KHDRBS3: variants seen among roughly 807,000 people sequenced by gnomAD.
KHDRBS3 encodes KH RNA binding domain containing, signal transduction associated 3.
KHDRBS3 carries 23 observed loss-of-function variants against 45.6 expected under a neutral mutation model. The ratio of observed to expected loss-of-function variants is 0.50; its 90% CI spans 0.36 to 0.72. The LOEUF is 0.72. Among genes scored for constraint, KHDRBS3 ranks in the 30% least tolerant of loss-of-function variants. The probability of loss-of-function intolerance (pLI) is 0.00; values close to 1 mark genes in which losing one functional copy is unlikely to be tolerated. For missense variants in KHDRBS3, 352 were observed against 424.8 expected, an observed-to-expected ratio of 0.83 and a Z score of 1.51; for synonymous variants, 162 against 156.5, an observed-to-expected ratio of 1.04 and a Z score of -0.26.
chr8:135,617,465 A>G (rs1024739420), intron 7 of KHDRBS3, among the ~76,000 whole-genome samples: 10 of 151,760 alleles, frequency 6.6e-5, no homozygotes, highest in African/African-American at 2.4e-4. Context: ...TATAGTAGAG[A>G]CAGGGTTTTG....
chr8:135,577,793 T>C (rs1297865258), intron 5 of KHDRBS3, among the ~76,000 whole-genome samples: 1 of 152,230 alleles, frequency 6.6e-6, no homozygotes, highest in Non-Finnish European at 1.5e-5. Flanking sequence ...AATAAGGCTA[T>C]GTTTAGCTTT....
intron 6 of KHDRBS3, among the ~76,000 whole-genome samples, chr8:135,590,833 A>G (rs1031509281): frequency 6.6e-6 from 1 of 152,220 alleles, no homozygotes; most frequent in Non-Finnish European, 1.5e-5. Flanking sequence ...TTATGATTGC[A>G]TCAGCTCTCT....
chr8:135,602,288 C>T (rs1829251916), intron 6 of KHDRBS3, among the ~76,000 whole-genome samples: 1 of 152,294 alleles, frequency 6.6e-6, no homozygotes, highest in East Asian at 1.9e-4. Flanking sequence ...ATGTTTCAAG[C>T]GTTGTCCACT....
chr8:135,521,372 T>C lies in KHDRBS3; in HGVS notation c.207+17T>C. ...TTCCCTAAGGTAAGACAGTGAGGTC[T>C]ACACTGCAGGTATTTTAACCTGAAT... On this transcript the variant is annotated intron_variant, in intron 2 of 8. Transcript: ENST00000355849. The C allele has an allele frequency of 7.5e-7, 1 of 1,339,572 alleles. No homozygotes were observed. The highest frequency in any genetic ancestry group is 1.1e-6 in the Non-Finnish European group (1 of 937,170). The allele number at this position is 1,339,572 out of a possible 1,614,324, so 83.0% of individuals were successfully genotyped here.
intron 5 of KHDRBS3, among the ~76,000 whole-genome samples, chr8:135,560,106 A>G (rs147455662): frequency 6.6e-6 from 1 of 152,290 alleles, no homozygotes; most frequent in African/African-American, 2.4e-5. Flanking sequence ...CATGACATTT[A>G]TATGTCAGCA....
At chr8:135,523,038 C>T (rs1367992543) in intron 2 of KHDRBS3, among the ~76,000 whole-genome samples, 2 of 152,280 alleles carry the variant, frequency 1.3e-5, no homozygotes, top group Admixed American at 6.5e-5. Flanking sequence ...TATGCCAGTA[C>T]CACACTGTCT....
intron 1 of KHDRBS3, 154 bp downstream of exon 1, chr8:135,458,108 G>A: frequency 2.9e-6 from 4 of 1,390,052 alleles, no homozygotes; most frequent in Non-Finnish European, 3.7e-6. Context: ...CGGGGACCTG[G>A]GAGGCTGTGG....
intron 5 of KHDRBS3, among the ~76,000 whole-genome samples, chr8:135,558,710 T>G (rs1827015598): frequency 6.6e-6 from 1 of 152,220 alleles, no homozygotes; most frequent in South Asian, 2.1e-4. Context: ...TTAAATTTAC[T>G]TGAAATCTTA....
In KHDRBS3 at chr8:135,505,074, T is replaced by C. The variant is rs572562863; in HGVS notation, c.89-16163T>C. On this transcript the variant is annotated intron_variant, in intron 1 of 8. Coordinates refer to ENST00000355849, the MANE Select transcript of KHDRBS3 (RefSeq NM_006558.3). Reference sequence around the variant, plus strand: ...GATGCCCAGGAAAGCTTGTCTCGCCTTTTCTTTAGGGCCTTATTAACCATC... The same window carrying C: ...GATGCCCAGGAAAGCTTGTCTCGCCCTTTCTTTAGGGCCTTATTAACCATC... 5.9e-5 allele frequency among the ~76,000 whole-genome samples: 9 copies of C among 152,332 alleles called. No homozygotes were observed. The South Asian group carries it at 1.9e-3, about 32-fold the overall frequency.
chr8:135,536,234 GTTTT>G (rs374782370), intron 2 of KHDRBS3, among the ~76,000 whole-genome samples: 74 of 86,404 alleles, frequency 8.6e-4, no homozygotes, highest in Admixed American at 1.6e-3. Context: ...TTTCTGTCCA[GTTTT>G]TTTTTTTTTT....
chr8:135,513,209 AAG>A (rs1824396999), intron 1 of KHDRBS3, among the ~76,000 whole-genome samples: 1 of 152,104 alleles, frequency 6.6e-6, no homozygotes. Flanking sequence ...CAAAAAAAAA[AAG>A]AAAAAAGCTG....
chr8:135,640,252 G>A (rs1003590869), intron 7 of KHDRBS3, among the ~76,000 whole-genome samples: 1 of 152,106 alleles, frequency 6.6e-6, no homozygotes, highest in African/African-American at 2.4e-5. Context: ...CAAGCAAAAG[G>A]CCTAATGAGA....
intron 1 of KHDRBS3, among the ~76,000 whole-genome samples, chr8:135,503,407 C>G (rs1353372255): frequency 6.6e-6 from 1 of 152,132 alleles, no homozygotes; most frequent in Admixed American, 6.5e-5. Context: ...AGGCCTAACT[C>G]TGTAGCCTTG....
chr8:135,534,848 T>TGTTC (rs1449483466), intron 2 of KHDRBS3, among the ~76,000 whole-genome samples: 8 of 152,170 alleles, frequency 5.3e-5, no homozygotes, highest in African/African-American at 1.9e-4. Context: ...TTTTCTCATC[T>TGTTC]TGGAAATCAG....
chr8:135,542,445 T>C (rs1399831172), intron 2 of KHDRBS3: 6 of 483,030 alleles, frequency 1.2e-5, no homozygotes, highest in East Asian at 1.0e-4. Flanking sequence ...GAAATAAATA[T>C]AAAGAAATAT....
At chr8:135,589,220 G>C (rs1358821443) in intron 6 of KHDRBS3, among the ~76,000 whole-genome samples, 1 of 152,126 alleles carries the variant, frequency 6.6e-6, no homozygotes, top group African/African-American at 2.4e-5. Context: ...TTGTAGTCTT[G>C]CTCCAGCTCG....
chr8:135,579,392 A>G (rs1188102120), intron 5 of KHDRBS3, among the ~76,000 whole-genome samples: 1 of 152,068 alleles, frequency 6.6e-6, no homozygotes, highest in East Asian at 1.9e-4. Flanking sequence ...GAGTGCATCT[A>G]GGTGGCACCA....
intron 4 of KHDRBS3, among the ~76,000 whole-genome samples, chr8:135,654,952 C>T (rs1442348422): frequency 6.6e-6 from 1 of 152,196 alleles, no homozygotes; most frequent in Non-Finnish European, 1.5e-5. Flanking sequence ...GCATGAGAAT[C>T]CTGGCTGAGA....
At position 135,557,592 on chromosome 8, in the gene KHDRBS3, G is replaced by A; in HGVS notation, c.611+5G>A. The A allele has an allele frequency of 6.2e-7, 1 of 1,608,376 alleles. No homozygotes were observed. The highest frequency in any genetic ancestry group is 8.5e-7 in the Non-Finnish European group (1 of 1,177,466). ...ACCAGCCCCAGCAATAACCAGGTAG[G>A]TGTAAATTTTTTTTTAGGTTAACAT... On this transcript the variant is annotated splice_donor_5th_base_variant and intron_variant, in intron 5 of 8. Coordinates refer to ENST00000355849, the MANE Select transcript of KHDRBS3 (RefSeq NM_006558.3).
Sources: allele counts gnomAD v4.1 joint callset (sites outside exome capture counted in the v4.1 genomes callset), GRCh38; gene constraint gnomAD v4.1.1; transcripts MANE v1.5; gene names NCBI Gene and HGNC (gene_info 2026-07-23, HGNC 2026-07-21).